The following COG6 variants were observed in gnomAD, a reference collection of about 807,000 sequenced individuals.
The protein encoded by COG6 is conserved oligomeric Golgi complex subunit 6.
A neutral mutation model predicts 88.8 loss-of-function variants in COG6; 74 were observed. The observed-to-expected ratio is 0.83, with a 90% CI of 0.69 to 1.01. The LOEUF (loss-of-function observed/expected upper bound fraction) is 1.01, where lower values mean the gene tolerates loss of function less well. Ranked by LOEUF, COG6 falls within the 50% of genes least tolerant of loss-of-function variation. COG6 has a pLI of 0.00. For synonymous variants in COG6, 286 were observed against 278.7 expected, an observed-to-expected ratio of 1.03 and a Z score of -0.26; for missense variants, 800 against 797.9, an observed-to-expected ratio of 1.00 and a Z score of -0.03.
intron 18 of COG6, among the ~76,000 whole-genome samples, chr13:39,774,356 A>C (rs1881403034): frequency 6.6e-6 from 1 of 152,206 alleles, no homozygotes; most frequent in South Asian, 2.1e-4. Context: ...CATTGTTTTA[A>C]AAAACAAATA....
At chr13:39,709,762 A>G (rs1321024656) in intron 13 of COG6, among the ~76,000 whole-genome samples, 8 of 152,244 alleles carry the variant, frequency 5.3e-5, no homozygotes, top group Non-Finnish European at 1.0e-4. Flanking sequence ...ATGTACACAC[A>G]CACCACATTT....
chr13:39,765,931 G>A (rs1164426947), intron 18 of COG6, among the ~76,000 whole-genome samples: 1 of 152,204 alleles, frequency 6.6e-6, no homozygotes, highest in Non-Finnish European at 1.5e-5. Flanking sequence ...AAACCATTAA[G>A]GCTCAAATGC....
At chr13:39,748,920 T>A (rs920511114) in intron 18 of COG6, among the ~76,000 whole-genome samples, 3 of 152,182 alleles carry the variant, frequency 2.0e-5, no homozygotes, top group African/African-American at 7.2e-5. Flanking sequence ...TATTTTCTTT[T>A]CTAGACCACA....
chr13:39,749,257 G>A (rs1021196670), intron 18 of COG6, among the ~76,000 whole-genome samples: 1 of 152,156 alleles, frequency 6.6e-6, no homozygotes, highest in Non-Finnish European at 1.5e-5. Flanking sequence ...TCTCCATCAA[G>A]CATTCAGTGA....
chr13:39,729,624 A>AT (rs1879326951), intron 18 of COG6, among the ~76,000 whole-genome samples: 1 of 152,178 alleles, frequency 6.6e-6, no homozygotes, highest in Non-Finnish European at 1.5e-5. Flanking sequence ...GCAAGTAAAT[A>AT]TATGAGGAAA....
chr13:39,778,254 T>G (rs1881523358), intron 18 of COG6, among the ~76,000 whole-genome samples: 1 of 152,178 alleles, frequency 6.6e-6, no homozygotes. Flanking sequence ...TCTGACTAAT[T>G]ATAATTGTAA....
intron 18 of COG6, among the ~76,000 whole-genome samples, chr13:39,779,027 A>G (rs1368795570): frequency 2.6e-5 from 4 of 152,222 alleles, no homozygotes; most frequent in Non-Finnish European, 5.9e-5. Context: ...GAGAAGGAAA[A>G]TTATACTCCA....
At chr13:39,679,943 A>G in intron 6 of COG6, 32 bp from the exon 7 acceptor site, 1 of 1,175,966 alleles carries the variant, frequency 8.5e-7, no homozygotes, top group South Asian at 1.3e-5. Context: ...TGTTGACTAA[A>G]GTTTAAATTA....
chr13:39,766,317 A>G (rs1195047034), intron 18 of COG6, among the ~76,000 whole-genome samples: 1 of 152,170 alleles, frequency 6.6e-6, no homozygotes, highest in Non-Finnish European at 1.5e-5. Flanking sequence ...ATAACATTTC[A>G]GGGGCTTCCA....
intron 18 of COG6, among the ~76,000 whole-genome samples, chr13:39,776,628 T>C (rs1881471504): frequency 6.6e-6 from 1 of 152,220 alleles, no homozygotes; most frequent in South Asian, 2.1e-4. Context: ...ATTTTATGAA[T>C]GAATCAGAGA....
intron 15 of COG6, among the ~76,000 whole-genome samples, chr13:39,720,772 A>G (rs1307348680): frequency 2.0e-5 from 3 of 152,010 alleles, no homozygotes; most frequent in Non-Finnish European, 4.4e-5. Context: ...TGCTACTTAT[A>G]GATTTTTTTT....
intron 18 of COG6, among the ~76,000 whole-genome samples, chr13:39,764,378 A>C (rs904020291): frequency 4.1e-5 from 6 of 145,352 alleles, no homozygotes; most frequent in African/African-American, 1.5e-4. Flanking sequence ...TTTGCTCTAT[A>C]TTTTTCCTTC....
At chr13:39,759,514 A>T (rs201027031) in intron 18 of COG6, among the ~76,000 whole-genome samples, 1 of 152,160 alleles carries the variant, frequency 6.6e-6, no homozygotes, top group East Asian at 1.9e-4. Flanking sequence ...AATTTAGTTA[A>T]ATATGCTGTT....
chr13:39,752,070 A>G lies in COG6; in HGVS notation c.*977A>G. 1 of 1,285,946 alleles carries G rather than the reference A, an allele frequency of 7.8e-7. No individual in the cohort carries two copies. The highest frequency in any genetic ancestry group is 1.0e-6 in the Non-Finnish European group (1 of 987,626). 79.7% of individuals were successfully genotyped at this position (1,285,946 alleles called of 1,614,324 possible). On this transcript the variant is annotated 3_prime_UTR_variant, in exon 19 of 19. Transcript: ENST00000455146. ...AACTGGACTCTGACTTTAGACCATT[A>G]CCTATTAGGAAGATTAAAAATGACT...
chr13:39,668,105 G>A (rs1002141845), intron 4 of COG6, among the ~76,000 whole-genome samples: 6 of 91,770 alleles, frequency 6.5e-5, no homozygotes, highest in Non-Finnish European at 8.5e-5. Context: ...TTTACATTAC[G>A]ATTCATGTAT....
intron 1 of COG6, among the ~76,000 whole-genome samples, chr13:39,658,859 T>C (rs2137940527): frequency 1.3e-5 from 2 of 152,358 alleles, no homozygotes; most frequent in South Asian, 4.1e-4. Context: ...CCAGTACTTA[T>C]TCTTAAATAG....
At chr13:39,736,698 AC>A (rs1396200395) in intron 18 of COG6, among the ~76,000 whole-genome samples, 1 of 152,230 alleles carries the variant, frequency 6.6e-6, no homozygotes, top group Non-Finnish European at 1.5e-5. Context: ...TTTCAAAAAA[AC>A]AAAAAACAAG....
intron 18 of COG6, among the ~76,000 whole-genome samples, chr13:39,730,438 A>G (rs1339526738): frequency 6.6e-6 from 1 of 152,142 alleles, no homozygotes; most frequent in Non-Finnish European, 1.5e-5. Flanking sequence ...TTTTCAAATC[A>G]GGATTGCTTT....
intron 18 of COG6, among the ~76,000 whole-genome samples, chr13:39,768,773 C>T (rs1158926324): frequency 6.6e-6 from 1 of 151,894 alleles, no homozygotes; most frequent in Non-Finnish European, 1.5e-5. Context: ...ATGCAGGCAC[C>T]TATAGACTTC....
Sources: gnomAD v4.1 joint callset for allele counts (sites outside exome capture counted in the v4.1 genomes callset) on GRCh38, gnomAD v4.1.1 for gene constraint, MANE v1.5 for transcripts, NCBI Gene and HGNC (gene_info 2026-07-23, HGNC 2026-07-21) for gene names.